Variants in ABCA1 observed in about 807,000 individuals in gnomAD.
ABCA1 encodes the protein phospholipid-transporting ATPase ABCA1.
In ABCA1, 133 loss-of-function variants were observed where a neutral mutation model predicts 262.5. The ratio of observed to expected loss-of-function variants is 0.51; its 90% CI spans 0.44 to 0.59. The LOEUF (loss-of-function observed/expected upper bound fraction) is 0.59. Among genes scored for constraint, ABCA1 ranks in the 20% least tolerant of loss-of-function variants. ABCA1 has a pLI of 0.00. For synonymous variants in ABCA1, 1,022 were observed against 1,043.5 expected, an observed-to-expected ratio of 0.98 and a Z score of 0.40; for missense variants, 2,452 against 2,777.5, an observed-to-expected ratio of 0.88 and a Z score of 2.63.
chr9:104,898,010 T>C (rs1442348125), intron 2 of ABCA1, among the ~76,000 whole-genome samples: 1 of 152,204 alleles, frequency 6.6e-6, no homozygotes, highest in Non-Finnish European at 1.5e-5. Flanking sequence ...AAGTATTACT[T>C]TCAAAACTAT....
chr9:104,818,921 G>T (rs754665844), intron 22 of ABCA1, 38 bp from the exon 23 acceptor site: 4 of 1,552,280 alleles, frequency 2.6e-6, no homozygotes, highest in South Asian at 1.1e-5. Context: ...GACAGGTGAG[G>T]CCTCTCAGTT....
chr9:104,906,750 C>CAAA (rs35167860), intron 1 of ABCA1, among the ~76,000 whole-genome samples: 1 of 83,034 alleles, frequency 1.2e-5, no homozygotes, highest in African/African-American at 4.3e-5. Flanking sequence ...AAACCAAAAT[C>CAAA]AAAAAAAAAA....
chr9:104,790,857 C>G lies in ABCA1; in HGVS notation c.5927+65G>C, dbSNP rs563728391. 2.1e-5 allele frequency: 24 copies of G among 1,133,002 alleles called. No individual in the cohort carries two copies. The Admixed American group carries it at 2.9e-4, about 14-fold the overall frequency. The allele number at this position is 1,133,002 out of a possible 1,614,324, so 70.2% of individuals were successfully genotyped here. A position where few individuals can be genotyped will look rare whatever the true frequency, so the allele number is the denominator to read the frequency against. On this transcript the variant is annotated intron_variant, in intron 44 of 49. Coordinates refer to ENST00000374736, the MANE Select transcript of ABCA1 (RefSeq NM_005502.4). ...TACCACTGTAATCAAAAATAACAACCTATTTCTTTAAATAAATTAAAAACA... is the reference window on the plus strand; with the variant it reads ...TACCACTGTAATCAAAAATAACAACGTATTTCTTTAAATAAATTAAAAACA...
Position 104,796,163 on chromosome 9 carries a change from A to C in ABCA1, c.5272T>G (p.Phe1758Val). The change falls in exon 39 of 50, where the codon TTT (phenylalanine) becomes GTT (valine). Residue 1758 changes from phenylalanine to valine, a missense_variant. By Grantham distance (50) the Phe-to-Val change is conservative. Transcript: ENST00000374736. Reference protein sequence around the residue: ...SITPLMYPASFVFKIPSTAYV... With the variant: ...SITPLMYPASVVFKIPSTAYV... ...GCTGTGCTGGGGATCTTGAACACAA[A>C]GGAGGCTGGGTACATGAGAGGTGTG... 1.2e-6 allele frequency: 2 copies of C among 1,614,128 alleles called. No individual in the cohort carries two copies. The highest frequency in any genetic ancestry group is 1.7e-6 in the Non-Finnish European group (2 of 1,180,022).
intron 5 of ABCA1, among the ~76,000 whole-genome samples, chr9:104,880,272 G>A (rs1397385259): frequency 1.3e-5 from 2 of 152,286 alleles, no homozygotes; most frequent in African/African-American, 4.8e-5. Context: ...AGGTCTCTAA[G>A]TGGGGATCCA....
chr9:104,888,273 C>T (rs1839388306), intron 3 of ABCA1, among the ~76,000 whole-genome samples: 3 of 152,112 alleles, frequency 2.0e-5, no homozygotes, highest in Admixed American at 2.0e-4. Context: ...GACTGAGCTG[C>T]TTAGTGGTAG....
At chr9:104,887,226 G>A (rs997394405) in intron 3 of ABCA1, among the ~76,000 whole-genome samples, 1 of 152,154 alleles carries the variant, frequency 6.6e-6, no homozygotes, top group Non-Finnish European at 1.5e-5. Flanking sequence ...TGTAGTGAGC[G>A]GAGATTGCAC....
chr9:104,891,966 TAAAAA>T (rs570923490), intron 2 of ABCA1, among the ~76,000 whole-genome samples: 7 of 59,228 alleles, frequency 1.2e-4, no homozygotes, highest in African/African-American at 4.9e-4. Flanking sequence ...CTCTGTCTCT[TAAAAA>T]AAAAAAAAAA....
intron 5 of ABCA1, among the ~76,000 whole-genome samples, chr9:104,864,265 G>A (rs1329596206): frequency 6.6e-6 from 1 of 152,106 alleles, no homozygotes; most frequent in African/African-American, 2.4e-5. Context: ...AGCTGGCCAG[G>A]TCCAGGAAGA....
rs559655930 is a variant in ABCA1, at chr9:104,867,905, GAGA to G, written c.422-6108_422-6106del. 1.2e-3 allele frequency among the ~76,000 whole-genome samples: 189 copies of G among 152,286 alleles called. 1 individual carries two copies. The highest frequency in any genetic ancestry group is 4.4e-3 in the African/African-American group (181 of 41,548). ...TATAATCAGTAAAATGTGTGGGTTG[GAGA>G]AGATGATCTCTGAGGTCTTCTTACC... On this transcript the variant is annotated intron_variant, in intron 5 of 49. Transcript: ENST00000374736.
At position 104,819,931 on chromosome 9, in the gene ABCA1, C is replaced by G. The variant is rs144726669; in HGVS notation, c.3099G>C (p.Leu1033=). 500 of 1,613,084 alleles carry G rather than the reference C, an allele frequency of 3.1e-4. 3 individuals are homozygous for G. The highest frequency in any genetic ancestry group is 9.3e-4 in the Admixed American group (56 of 60,004). Residue 1033 remains leucine (L), a synonymous_variant, in exon 21 of 50, where the codon CTG becomes CTC. Coordinates refer to ENST00000374736, the MANE Select transcript of ABCA1 (RefSeq NM_005502.4). ...SSKLKSKTSQ[L]SGGMQRKLSV... Reference sequence around the variant, plus strand: ...GAAGGTAGCTCTGGGCCGCACCTGACAGCTGGCTTGTTTTGCTTTTCAGCT... The same window carrying G: ...GAAGGTAGCTCTGGGCCGCACCTGAGAGCTGGCTTGTTTTGCTTTTCAGCT...
intron 2 of ABCA1, among the ~76,000 whole-genome samples, chr9:104,899,671 G>C (rs973294982): frequency 6.6e-6 from 1 of 151,898 alleles, no homozygotes; most frequent in African/African-American, 2.4e-5. Context: ...TCCAGCCTGG[G>C]CAATAGAGTG....
intron 6 of ABCA1, among the ~76,000 whole-genome samples, chr9:104,860,086 G>A (rs1050396249): frequency 6.7e-5 from 10 of 149,408 alleles, no homozygotes; most frequent in Non-Finnish European, 1.5e-4. Flanking sequence ...TACTGACAAC[G>A]GAGGGCCTTT....
At chr9:104,806,220 C>T in intron 31 of ABCA1, 21 bp downstream of exon 31, 1 of 1,611,448 alleles carries the variant, frequency 6.2e-7, no homozygotes, top group Admixed American at 1.7e-5. Context: ...TCTGCCCAAT[C>T]ACCCCCTGAA....
At chr9:104,901,262 C>T (rs748602592) in intron 2 of ABCA1, among the ~76,000 whole-genome samples, 3 of 152,176 alleles carry the variant, frequency 2.0e-5, no homozygotes, top group Non-Finnish European at 4.4e-5. Context: ...GAATGAGGCT[C>T]GGCCCTAGTC....
In ABCA1 at chr9:104,784,356, A is replaced by G. The variant is rs1426268203; in HGVS notation, c.6745T>C (p.Ser2249Pro). 3 of 1,614,124 alleles carry G rather than the reference A, an allele frequency of 1.9e-6. No homozygotes were observed. The highest frequency in any genetic ancestry group is 1.7e-5 in the Admixed American group (1 of 60,024). Reference protein sequence around the residue: ...QTVVDVAVLTSFLQDEKVKES... With the variant: ...QTVVDVAVLTPFLQDEKVKES... ...TTCACTTTCTCATCCTGTAGAAAAG[A>G]TGTGAGAACTGCAACGTCCACTACT... Residue 2249 changes from serine to proline, a missense_variant, in exon 50 of 50, where the codon TCT becomes CCT. By Grantham distance (74) the Ser-to-Pro change is moderately conservative (BLOSUM62 -1). Transcript: ENST00000374736.
Position 104,826,965 on chromosome 9 carries a change from T to G in ABCA1, c.2320A>C (p.Thr774Pro), listed in dbSNP as rs35819696. The change falls in exon 16 of 50, where the codon ACA (threonine) becomes CCA (proline). Residue 774 changes from threonine to proline, a missense_variant. By Grantham distance (38) the Thr-to-Pro change is conservative. Transcript: ENST00000374736. Reference protein sequence around the residue: ...CVAWQDYVGFTLKIFASLLSP... With the variant: ...CVAWQDYVGFPLKIFASLLSP... ...GTACTCACAGCGAAGATCTTGAGTG[T>G]GAAGCCCACGTAGTCCTGCCATGCC... 3.3e-3 allele frequency: 5,323 copies of G among 1,613,942 alleles called. 9 individuals carry two copies. Among genetic ancestry groups the G allele is most frequent in the Admixed American group, 4.4e-3 (264 of 60,022 alleles).
chr9:104,815,961 C>T (rs1450853835), intron 25 of ABCA1, among the ~76,000 whole-genome samples, 182 bp downstream of exon 25: 1 of 152,232 alleles, frequency 6.6e-6, no homozygotes, highest in Non-Finnish European at 1.5e-5. Flanking sequence ...GAAAACACTT[C>T]TTTCCTGCTA....
Position 104,889,504 on chromosome 9 carries a change from C to A in ABCA1, c.67-309G>T, listed in dbSNP as rs181821176. 13 of 416,860 alleles carry A rather than the reference C, an allele frequency of 3.1e-5. No homozygotes were observed. The East Asian group carries it at 1.9e-3, about 62-fold the overall frequency. The allele number at this position is 416,860 out of a possible 1,614,324, so 25.8% of individuals were successfully genotyped here. ...TCCTTTACTAAAATCTCAGCCTGAG[C>A]TAGAAGCCCTCCTCCTGTGCTACTC... On this transcript the variant is annotated intron_variant, in intron 2 of 49. Transcript: ENST00000374736.
Sources: gnomAD v4.1 joint callset for allele counts (sites outside exome capture counted in the v4.1 genomes callset) on GRCh38, gnomAD v4.1.1 for gene constraint, MANE v1.5 for transcripts, NCBI Gene and HGNC (gene_info 2026-07-23, HGNC 2026-07-21) for gene names.